ZNF331: variants seen among roughly 807,000 people sequenced by gnomAD.
The protein encoded by ZNF331 is zinc finger protein 331.
Under a neutral mutation model 7.0 loss-of-function variants are expected in ZNF331, and 2 were observed. The observed-to-expected ratio is 0.29, with a 90% confidence interval of 0.12 to 0.90. The LOEUF (loss-of-function observed/expected upper bound fraction) is 0.90, where lower values mean the gene tolerates loss of function less well. Among genes scored for constraint, ZNF331 ranks in the 40% least tolerant of loss-of-function variants. ZNF331 has a pLI of 0.58. For missense variants in ZNF331, 432 were observed against 587.7 expected (o/e 0.74, Z 2.74); for synonymous variants, 196 against 205.4 (o/e 0.95, Z 0.39).
At chr19:53,507,996 CCATT>C in the ZNF331 span, among the ~76,000 whole-genome samples, 1 of 152,154 alleles carries the variant, frequency 6.6e-6, no homozygotes, top group African/African-American at 2.4e-5. Flanking sequence ...TTGTTCATCC[CCATT>C]CAAACTAGAG....
At chr19:53,530,228 T>C (rs947979069) in intron 2 of ZNF331, among the ~76,000 whole-genome samples, 1 of 152,064 alleles carries the variant, frequency 6.6e-6, no homozygotes, top group Non-Finnish European at 1.5e-5. Flanking sequence ...TCACTCACCA[T>C]GGCCAAGACA....
upstream of ZNF331, among the ~76,000 whole-genome samples, chr19:53,518,546 G>A (rs2086961966): frequency 6.6e-6 from 1 of 152,114 alleles, no homozygotes; most frequent in Admixed American, 6.5e-5. Context: ...ATTCTCTTTG[G>A]TACTGCCCCT....
chr19:53,549,166 GT>G (rs1383028771), intron 2 of ZNF331, among the ~76,000 whole-genome samples: 1 of 152,112 alleles, frequency 6.6e-6, no homozygotes, highest in Non-Finnish European at 1.5e-5. Context: ...CAAATATCCA[GT>G]TTTCCCAACA....
intron 3 of ZNF331, among the ~76,000 whole-genome samples, chr19:53,564,111 T>G (rs2090043245): frequency 8.1e-6 from 1 of 122,986 alleles, no homozygotes; most frequent in South Asian, 2.8e-4. Context: ...AGAGTCTCAC[T>G]CTGTTGCCCA....
chr19:53,511,934 C>G, the ZNF331 span: 2 of 152,192 alleles, frequency 1.3e-5, no homozygotes, highest in Admixed American at 1.3e-4. Context: ...GTATATCGTT[C>G]AAGTTATTTT....
chr19:53,508,235 G>C, the ZNF331 span, among the ~76,000 whole-genome samples: 129 of 152,280 alleles, frequency 8.5e-4, no homozygotes, highest in Non-Finnish European at 1.6e-3. Flanking sequence ...TTTATCTGGC[G>C]GTTGGGGAGG....
the ZNF331 span, among the ~76,000 whole-genome samples, chr19:53,507,874 CCTGTGATCCCAG>C: frequency 6.6e-6 from 1 of 152,084 alleles, no homozygotes; most frequent in Non-Finnish European, 1.5e-5. Context: ...GTGGCAGGCA[CCTGTGATCCCAG>C]CTACTTCGGA....
chr19:53,550,357 A>G (rs1172339258), intron 2 of ZNF331, among the ~76,000 whole-genome samples: 1 of 152,126 alleles, frequency 6.6e-6, no homozygotes, highest in Non-Finnish European at 1.5e-5. Flanking sequence ...ATTGTATTAA[A>G]ATCTAACCCT....
At chr19:53,541,346 T>C (rs546100720) in intron 2 of ZNF331, among the ~76,000 whole-genome samples, 1 of 152,328 alleles carries the variant, frequency 6.6e-6, no homozygotes, top group South Asian at 2.1e-4. Flanking sequence ...CCTCAGGTGC[T>C]CTGCCTGCCT....
upstream of ZNF331, among the ~76,000 whole-genome samples, chr19:53,518,439 G>T (rs1244891463): frequency 6.6e-6 from 1 of 152,128 alleles, no homozygotes; most frequent in African/African-American, 2.4e-5. Context: ...TGGGCCTTGT[G>T]ATCGTCTAAG....
chr19:53,553,739 G>T (rs1264684186), intron 2 of ZNF331, among the ~76,000 whole-genome samples: 1 of 152,262 alleles, frequency 6.6e-6, no homozygotes, highest in Non-Finnish European at 1.5e-5. Flanking sequence ...ATAGCACCTC[G>T]GGCAGCCTGT....
At chr19:53,554,178 T>A (rs1375917441) in intron 2 of ZNF331, among the ~76,000 whole-genome samples, 1 of 151,390 alleles carries the variant, frequency 6.6e-6, no homozygotes, top group East Asian at 2.0e-4. Flanking sequence ...AGCATGGGGG[T>A]AGGGGGACCG....
At chr19:53,530,324 C>T (rs535524529) in intron 2 of ZNF331, among the ~76,000 whole-genome samples, 23 of 150,598 alleles carry the variant, frequency 1.5e-4, no homozygotes, top group South Asian at 6.3e-4. Flanking sequence ...CCACCAGGCC[C>T]CACCTCCAGC....
intron 2 of ZNF331, among the ~76,000 whole-genome samples, chr19:53,525,064 C>T (rs2087241233): frequency 6.6e-6 from 1 of 152,174 alleles, no homozygotes; most frequent in African/African-American, 2.4e-5. Context: ...TGTCAAAGAT[C>T]AGATGGTTGT....
intron 2 of ZNF331, among the ~76,000 whole-genome samples, chr19:53,553,885 C>A (rs540011245): frequency 7.2e-5 from 11 of 152,304 alleles, no homozygotes; most frequent in Admixed American, 5.9e-4. Context: ...TGACACAGCC[C>A]CTCTCCCAGC....
intron 2 of ZNF331, among the ~76,000 whole-genome samples, chr19:53,552,560 A>G (rs2089076881): frequency 6.6e-6 from 1 of 152,008 alleles, no homozygotes; most frequent in African/African-American, 2.4e-5. Context: ...TCTACCAAAA[A>G]AAAAAGAAAA....
At chr19:53,555,386 G>A (rs373230928) in intron 2 of ZNF331, 2 of 151,740 alleles carry the variant, frequency 1.3e-5, no homozygotes, top group African/African-American at 4.9e-5. Flanking sequence ...TCTCTGTGCT[G>A]GGATGGATGA....
intron 2 of ZNF331, among the ~76,000 whole-genome samples, chr19:53,550,913 A>C (rs2088963664): frequency 7.0e-6 from 1 of 142,912 alleles, no homozygotes. Context: ...TGCAAGGTGC[A>C]ATCTCGGCCC....
intron 2 of ZNF331, chr19:53,555,153 G>GCTGCTTCCCCTGCCTTCACC (rs1433227374): frequency 1.3e-5 from 2 of 153,318 alleles, no homozygotes; most frequent in Non-Finnish European, 2.9e-5. Context: ...CAGCGTCTCT[G>GCTGCTTCCCCTGCCTTCACC]TGCTGAGATG....
Sources: gnomAD v4.1 joint callset for allele counts (sites outside exome capture counted in the v4.1 genomes callset) on GRCh38, gnomAD v4.1.1 for gene constraint, MANE v1.5 for transcripts, NCBI Gene and HGNC (gene_info 2026-07-23, HGNC 2026-07-21) for gene names.